VPS26C: variants seen among roughly 807,000 people sequenced by gnomAD.
VPS26C encodes vacuolar protein sorting-associated protein 26C.
VPS26C carries 19 observed loss-of-function variants against 30.6 expected under a neutral mutation model. The observed-to-expected ratio is 0.62, with a 90% CI of 0.43 to 0.91. VPS26C has a LOEUF of 0.91. Among genes scored for constraint, VPS26C ranks in the 40% least tolerant of loss-of-function variants. The pLI, the probability that VPS26C is intolerant of heterozygous loss-of-function variation, is 0.00. For synonymous variants in VPS26C, 132 were observed against 151.5 expected, an observed-to-expected ratio of 0.87 and a Z score of 0.95; for missense variants, 318 against 385.1, an observed-to-expected ratio of 0.83 and a Z score of 1.46.
At chr21:37,225,723 AG>A (rs757208730) in intron 7 of VPS26C, 97 bp from the exon 8 acceptor site, 66 of 1,034,372 alleles carry the variant, frequency 6.4e-5, no homozygotes, top group Non-Finnish European at 8.1e-5. Context: ...CTAACGGCGA[AG>A]GAGCACCCGG....
At chr21:37,232,273 T>C in intron 5 of VPS26C, 104 bp downstream of exon 5, 1 of 894,590 alleles carries the variant, frequency 1.1e-6, no homozygotes, top group Non-Finnish European at 1.8e-6. Context: ...CTCTGCCGGC[T>C]GATGACGTGA....
intron 5 of VPS26C, chr21:37,229,486 T>C (rs2085939480): frequency 6.6e-6 from 1 of 152,330 alleles, no homozygotes; most frequent in East Asian, 1.9e-4. Flanking sequence ...ATTGGCATAC[T>C]ACTGTCCAAC....
At chr21:37,231,091 G>A (rs1222327762) in intron 5 of VPS26C, among the ~76,000 whole-genome samples, 2 of 152,148 alleles carry the variant, frequency 1.3e-5, no homozygotes, top group African/African-American at 2.4e-5. Context: ...AGGAGAACAG[G>A]TTCTCACCTG....
chr21:37,246,246 C>T (rs538574785), intron 1 of VPS26C, among the ~76,000 whole-genome samples: 5 of 152,054 alleles, frequency 3.3e-5, no homozygotes, highest in East Asian at 3.9e-4. Context: ...GAAAAAAGAT[C>T]GAGTCACTCA....
chr21:37,258,339 T>C (rs986259014), intron 1 of VPS26C, among the ~76,000 whole-genome samples: 3 of 145,650 alleles, frequency 2.1e-5, no homozygotes, highest in Admixed American at 6.8e-5. Flanking sequence ...CCATTCACCT[T>C]TCGACACAGC....
chr21:37,225,637 A>C lies in VPS26C; in HGVS notation c.812-11T>G. 1 of 1,611,352 alleles carries C rather than the reference A, an allele frequency of 6.2e-7. No individual in the cohort carries two copies. Among genetic ancestry groups the C allele is most frequent in the Non-Finnish European group, 8.5e-7 (1 of 1,177,676 alleles). Reference sequence around the variant, plus strand: ...TGTTAACCTCAAATTCTGAGAAGAGAAGAGAGGGTGGGTTTGTGCTCACTG... The same window carrying C: ...TGTTAACCTCAAATTCTGAGAAGAGCAGAGAGGGTGGGTTTGTGCTCACTG... On this transcript the variant is annotated splice_polypyrimidine_tract_variant and intron_variant, in intron 7 of 7. Transcript: ENST00000309117.
chr21:37,238,424 T>C, intron 3 of VPS26C, 36 bp downstream of exon 3: 2 of 1,596,484 alleles, frequency 1.3e-6, no homozygotes, highest in African/African-American at 1.3e-5. Flanking sequence ...GAAGAAAACT[T>C]GTGAAGTCAG....
At chr21:37,248,174 G>A (rs1037814173) in intron 1 of VPS26C, among the ~76,000 whole-genome samples, 1 of 151,944 alleles carries the variant, frequency 6.6e-6, no homozygotes, top group East Asian at 1.9e-4. Flanking sequence ...AAGAAACAAG[G>A]ATACAGAAGA....
chr21:37,234,911 C>A (rs1048117991), intron 3 of VPS26C, among the ~76,000 whole-genome samples: 1 of 151,938 alleles, frequency 6.6e-6, no homozygotes, highest in Non-Finnish European at 1.5e-5. Flanking sequence ...GGCGTGATCT[C>A]GGTTCACTGC....
At chr21:37,247,971 G>A (rs1242726685) in intron 1 of VPS26C, among the ~76,000 whole-genome samples, 1 of 152,104 alleles carries the variant, frequency 6.6e-6, no homozygotes. Flanking sequence ...AGGAGTTTGA[G>A]ACCAGCCTAG....
rs1173780834 is a variant in VPS26C at position 37,228,254 on chromosome 21, C to T, written c.627G>A (p.Val209=). 6.2e-7 allele frequency: 1 copy of T among 1,612,224 alleles called. No individual in the cohort carries two copies. The highest frequency in any genetic ancestry group is 8.5e-7 in the Non-Finnish European group (1 of 1,179,504). The change falls in exon 6 of 8, where the codon GTG becomes GTA. Residue 209 remains valine (V), a synonymous_variant. Coordinates refer to ENST00000309117, the MANE Select transcript of VPS26C (RefSeq NM_006052.2). ...VESSEAAIRS[V]ELQLVRVETC... ...TCTCCACGCGCACCAGCTGCAGCTC[C>T]ACGCTTCTGATGGCGGCTTCCGAGC... is the stretch of plus-strand genomic sequence containing the variant.
rs183261029 is a variant in VPS26C, at chr21:37,254,107, G to C, written c.57+13131C>G. On this transcript the variant is annotated intron_variant, in intron 1 of 7. Transcript: ENST00000309117. ...TGGCATAATTACAGGCCAAAGTAATGACCGTGGAACACAGGGAGTCCGCCA... is the reference window on the plus strand; with the variant it reads ...TGGCATAATTACAGGCCAAAGTAATCACCGTGGAACACAGGGAGTCCGCCA... Among the ~76,000 whole-genome samples, 5 of 152,296 alleles carry C rather than the reference G, an allele frequency of 3.3e-5. No individual in the cohort carries two copies. The East Asian group carries it at 9.7e-4, about 29-fold the overall frequency.
Position 37,227,700 on chromosome 21 carries a change from A to G in VPS26C, c.765T>C (p.Pro255=). The G allele has an allele frequency of 3.7e-6, 6 of 1,614,148 alleles. No homozygotes were observed. The highest frequency in any genetic ancestry group is 5.1e-6 in the Non-Finnish European group (6 of 1,180,006). ...GLSVPIYMVF[P]RLFTCPTLET... ...CCAGTGTAGGGCAGGTGAACAGCCT[A>G]GGGAAGACCATGTAGATGGGGACAG... The change falls in exon 7 of 8, where the codon CCT becomes CCC. Residue 255 remains proline (P), a synonymous_variant. Coordinates refer to ENST00000309117, the MANE Select transcript of VPS26C (RefSeq NM_006052.2).
At chr21:37,259,895 T>C (rs2086286568) in intron 1 of VPS26C, among the ~76,000 whole-genome samples, 1 of 152,150 alleles carries the variant, frequency 6.6e-6, no homozygotes, top group Admixed American at 6.5e-5. Context: ...GTGAACAGAC[T>C]TCGGAGCGTG....
intron 2 of VPS26C, 93 bp downstream of exon 2, chr21:37,240,403 G>GCCTGAGCCACTGCGCCTGGC (rs764537531): frequency 1.4e-6 from 2 of 1,431,164 alleles, no homozygotes; most frequent in South Asian, 1.3e-5. Flanking sequence ...GAGATTACAG[G>GCCTGAGCCACTGCGCCTGGC]CCTGAGCCAC....
At chr21:37,231,985 A>G (rs1251106986) in intron 5 of VPS26C, 2 of 193,004 alleles carry the variant, frequency 1.0e-5, no homozygotes, top group African/African-American at 4.7e-5. Flanking sequence ...GCTGGGGAAG[A>G]AACTGCAAAC....
chr21:37,248,478 C>T (rs992883904), intron 1 of VPS26C, among the ~76,000 whole-genome samples: 1 of 151,938 alleles, frequency 6.6e-6, no homozygotes, highest in African/African-American at 2.4e-5. Flanking sequence ...CACTATTCAA[C>T]TGTATATAAG....
chr21:37,241,360 G>A (rs1336440224), intron 1 of VPS26C, among the ~76,000 whole-genome samples: 2 of 152,206 alleles, frequency 1.3e-5, no homozygotes, highest in Non-Finnish European at 2.9e-5. Flanking sequence ...CTGAGTAATA[G>A]ATTACGGATA....
At chr21:37,248,800 G>C (rs2086163978) in intron 1 of VPS26C, among the ~76,000 whole-genome samples, 1 of 150,420 alleles carries the variant, frequency 6.6e-6, no homozygotes, top group Non-Finnish European at 1.5e-5. Context: ...AGAGAGAAGA[G>C]AGAAAACTAG....
Sources: gnomAD v4.1 joint callset for allele counts (sites outside exome capture counted in the v4.1 genomes callset) on GRCh38, gnomAD v4.1.1 for gene constraint, MANE v1.5 for transcripts, NCBI Gene and HGNC (gene_info 2026-07-23, HGNC 2026-07-21) for gene names.